RBBP4: variants seen among roughly 807,000 people sequenced by gnomAD.
The protein encoded by RBBP4 is histone-binding protein RBBP4.
In RBBP4, 3 loss-of-function variants were observed where a neutral mutation model predicts 57.2. The observed-to-expected ratio is 0.05, with a 90% CI of 0.02 to 0.14. The LOEUF is 0.14. RBBP4 is among the 10% of genes least tolerant of loss of function. The probability of loss-of-function intolerance (pLI) is 1.00; values close to 1 mark genes in which losing one functional copy is unlikely to be tolerated. For synonymous variants in RBBP4, 151 were observed against 171.5 expected (o/e 0.88, Z 0.93); for missense variants, 107 against 520.6 (o/e 0.21, Z 7.73).
rs1228113717 is a variant in RBBP4 at position 32,683,091 on chromosome 1, G to A, written c.*3386G>A. On this transcript the variant is annotated 3_prime_UTR_variant, in exon 12 of 12. Coordinates refer to ENST00000373493, the MANE Select transcript of RBBP4 (RefSeq NM_005610.3). ...AAGGTCAGGAGATGAGACCATCTTAGCCAACATGGTGAAACCCCGTCTCTA... is the reference window on the plus strand; with the variant it reads ...AAGGTCAGGAGATGAGACCATCTTAACCAACATGGTGAAACCCCGTCTCTA... 6.6e-6 allele frequency: 1 copy of A among 152,028 alleles called. No individual in the cohort carries two copies. The highest frequency in any genetic ancestry group is 1.5e-5 in the Non-Finnish European group (1 of 68,058). The allele number at this position is 152,028 out of a possible 1,614,324, so 9.4% of individuals were successfully genotyped here.
intron 11 of RBBP4, 44 bp from the exon 12 acceptor site, chr1:32,679,596 G>T: frequency 6.6e-7 from 1 of 1,519,426 alleles, no homozygotes; most frequent in African/African-American, 1.4e-5. Context: ...TTGAGTTTTA[G>T]AAGAAGTCTT....
chr1:32,661,262 A>G (rs1368140545), intron 3 of RBBP4, among the ~76,000 whole-genome samples: 2 of 149,038 alleles, frequency 1.3e-5, no homozygotes, highest in Non-Finnish European at 3.0e-5. Flanking sequence ...ATTCCCGGTA[A>G]TGGGATTGCT....
At chr1:32,666,114 G>A (rs1299540394) in intron 3 of RBBP4, among the ~76,000 whole-genome samples, 1 of 152,068 alleles carries the variant, frequency 6.6e-6, no homozygotes, top group Non-Finnish European at 1.5e-5. Context: ...TGTGTAAGTG[G>A]GTGTAGCAAA....
intron 2 of RBBP4, among the ~76,000 whole-genome samples, chr1:32,655,914 A>G (rs1046511287): frequency 6.6e-6 from 1 of 152,118 alleles, no homozygotes; most frequent in Non-Finnish European, 1.5e-5. Flanking sequence ...TGAAACAGTT[A>G]GTTGTGCCCC....
At chr1:32,661,157 T>C (rs548726539) in intron 3 of RBBP4, among the ~76,000 whole-genome samples, 37 of 152,186 alleles carry the variant, frequency 2.4e-4, no homozygotes, top group Non-Finnish European at 1.0e-4. Flanking sequence ...GACACTTGGG[T>C]TGATTTCCGT....
Position 32,668,745 on chromosome 1 carries a change from C to G in RBBP4, c.491C>G (p.Ser164Cys), listed in dbSNP as rs148578452. Residue 164 changes from serine to cysteine, a missense_variant, in exon 5 of 12, where the codon TCT becomes TGT. Transcript: ENST00000373493. ...TGTGTCTGTCACTTTGCAGATCCTT[C>G]TGGAGAGTGCAACCCAGACTTGCGT... ...YTKHPSKPDPSGECNPDLRLR... is the reference protein window; with the variant it reads ...YTKHPSKPDPCGECNPDLRLR... The G allele has an allele frequency of 1.2e-6, 2 of 1,612,326 alleles. No homozygotes were observed. The highest frequency in any genetic ancestry group is 1.7e-6 in the Non-Finnish European group (2 of 1,179,782).
At position 32,684,404 on chromosome 1, in the gene RBBP4, A is replaced by G. The variant is rs1470725862; in HGVS notation, c.*4699A>G. On this transcript the variant is annotated 3_prime_UTR_variant, in exon 12 of 12. Coordinates refer to ENST00000373493, the MANE Select transcript of RBBP4 (RefSeq NM_005610.3). ...GTTCCTGCATGAGATGGCCAAGAAC[A>G]TTTCTAATGAGCCAAACAATAAAAA... is the stretch of plus-strand genomic sequence containing the variant. The G allele has an allele frequency of 6.2e-7, 1 of 1,613,826 alleles. No individual in the cohort carries two copies. Among genetic ancestry groups the G allele is most frequent in the Non-Finnish European group, 8.5e-7 (1 of 1,179,894 alleles).
Position 32,681,546 on chromosome 1 carries a change from C to A in RBBP4, c.*1841C>A. 1 of 474,432 alleles carries A rather than the reference C, an allele frequency of 2.1e-6. No individual in the cohort carries two copies. The allele number at this position is 474,432 out of a possible 1,614,324, so 29.4% of individuals were successfully genotyped here. A position where few individuals can be genotyped will look rare whatever the true frequency, so the allele number is the denominator to read the frequency against. On this transcript the variant is annotated 3_prime_UTR_variant, in exon 12 of 12. Transcript: ENST00000373493. ...TGTGTCCATACATTCATCCTTCACT[C>A]AGTGCATATGTGAGGGTTGTTGCTG...
intron 3 of RBBP4, among the ~76,000 whole-genome samples, chr1:32,660,738 G>A (rs1307778510): frequency 6.6e-6 from 1 of 151,844 alleles, no homozygotes; most frequent in Non-Finnish European, 1.5e-5. Flanking sequence ...TTTATGTTTG[G>A]GCCATTAAAA....
chr1:32,657,117 A>T (rs932580012), intron 2 of RBBP4, among the ~76,000 whole-genome samples: 1 of 152,098 alleles, frequency 6.6e-6, no homozygotes, highest in Admixed American at 6.6e-5. Flanking sequence ...CTCTACTAAA[A>T]ATACGAAAAT....
At chr1:32,661,169 T>A (rs1170118818) in intron 3 of RBBP4, among the ~76,000 whole-genome samples, 1 of 152,202 alleles carries the variant, frequency 6.6e-6, no homozygotes, top group Non-Finnish European at 1.5e-5. Context: ...GATTTCCGTA[T>A]CTTTGGTATT....
At chr1:32,651,400 G>C (rs1329227657) in intron 1 of RBBP4, 78 bp downstream of exon 1, 1 of 1,388,320 alleles carries the variant, frequency 7.2e-7, no homozygotes, top group Non-Finnish European at 9.4e-7. Context: ...CTAACAGTGA[G>C]GGCAGGCCCG....
At chr1:32,674,881 C>G (rs1649032492) in intron 11 of RBBP4, among the ~76,000 whole-genome samples, 1 of 151,850 alleles carries the variant, frequency 6.6e-6, no homozygotes. Flanking sequence ...GCATGCACCA[C>G]CATGCCCGGC....
At chr1:32,659,188 A>G (rs905896392) in intron 3 of RBBP4, among the ~76,000 whole-genome samples, 7 of 149,710 alleles carry the variant, frequency 4.7e-5, no homozygotes, top group African/African-American at 1.7e-4. Context: ...ATAAATGTAT[A>G]CACACACATA....
chr1:32,662,034 T>A (rs1404702670), intron 3 of RBBP4, among the ~76,000 whole-genome samples: 2 of 147,194 alleles, frequency 1.4e-5, no homozygotes, highest in African/African-American at 5.0e-5. Flanking sequence ...TACAGGTCTG[T>A]GCCACCACAC....
Position 32,684,373 on chromosome 1 carries a change from C to G in RBBP4, c.*4668C>G, listed in dbSNP as rs780268268. The G allele has an allele frequency of 6.2e-7, 1 of 1,614,160 alleles. No individual in the cohort carries two copies. On this transcript the variant is annotated 3_prime_UTR_variant, in exon 12 of 12. Transcript: ENST00000373493. The stretch of plus-strand genomic sequence containing the variant: ...TGCCTCTGGCGTTCTTCCATTTCCT[C>G]CAGCTGTTCCTGCATGAGATGGCCA...
chr1:32,671,990 T>A (rs1648898244), intron 8 of RBBP4, among the ~76,000 whole-genome samples: 1 of 151,052 alleles, frequency 6.6e-6, no homozygotes, highest in Non-Finnish European at 1.5e-5. Context: ...TGTAAACATT[T>A]TTTTTTTGTT....
intron 11 of RBBP4, among the ~76,000 whole-genome samples, chr1:32,677,321 A>G (rs949279909): frequency 1.3e-5 from 2 of 152,070 alleles, no homozygotes; most frequent in Non-Finnish European, 2.9e-5. Context: ...ACTCTATAAA[A>G]ACTCCTAATT....
rs750801115 is a variant in RBBP4, at chr1:32,669,950, G to T, written c.966+387G>T. Among the ~76,000 whole-genome samples the T allele has an allele frequency of 6.6e-6, 1 of 152,310 alleles. No homozygotes were observed. Among genetic ancestry groups the T allele is most frequent in the South Asian group, 2.1e-4 (1 of 4,830 alleles). On this transcript the variant is annotated intron_variant, in intron 8 of 11. Coordinates refer to ENST00000373493, the MANE Select transcript of RBBP4 (RefSeq NM_005610.3). The surrounding 1 kb of genome is among the most constrained non-coding windows in gnomAD (Gnocchi z 4.9). ...AGTGGGCACACATGTGCTTTATGCC[G>T]TTGCTAAAAATAGAAATCTATATGC...
Sources: gnomAD v4.1 joint callset for allele counts (sites outside exome capture counted in the v4.1 genomes callset) on GRCh38, gnomAD v4.1.1 for gene constraint, Gnocchi (gnomAD v3.1) non-coding constraint, MANE v1.5 for transcripts, NCBI Gene and HGNC (gene_info 2026-07-23, HGNC 2026-07-21) for gene names.